FRMPD2: variants seen among roughly 807,000 people sequenced by gnomAD.
FRMPD2 encodes the protein FERM and PDZ domain-containing protein 2.
A neutral mutation model predicts 140.1 loss-of-function variants in FRMPD2; 96 were observed. That is an observed-to-expected ratio of 0.69 (90% CI 0.58 to 0.81). The LOEUF (loss-of-function observed/expected upper bound fraction) is 0.81. Ranked by LOEUF, FRMPD2 falls within the 40% of genes least tolerant of loss-of-function variation. The pLI is 0.00. For missense variants in FRMPD2, 1,240 were observed against 1,447.4 expected, an observed-to-expected ratio of 0.86 and a Z score of 2.32; for synonymous variants, 449 against 547.6, an observed-to-expected ratio of 0.82 and a Z score of 2.52.
chr10:48,257,215 G>A (rs1268141502), intron 1 of FRMPD2, among the ~76,000 whole-genome samples: 5 of 150,668 alleles, frequency 3.3e-5, no homozygotes, highest in African/African-American at 4.9e-5. Flanking sequence ...ACATTCACAG[G>A]TTCCACAAAT....
At chr10:48,210,527 G>A (rs919968964) in intron 13 of FRMPD2, among the ~76,000 whole-genome samples, 4 of 152,164 alleles carry the variant, frequency 2.6e-5, no homozygotes, top group African/African-American at 7.2e-5. Context: ...GACATCTGCC[G>A]CAGGGTTGGG....
chr10:48,178,684 G>T (rs545911578), intron 21 of FRMPD2: 1 of 155,574 alleles, frequency 6.4e-6, no homozygotes, highest in Admixed American at 6.2e-5. Context: ...CCTGCACCAT[G>T]GTCAACGTGG....
At chr10:48,159,040 T>G (rs1837864429) in intron 28 of FRMPD2, 4 of 362,848 alleles carry the variant, frequency 1.1e-5, no homozygotes, top group Non-Finnish European at 2.2e-5. Flanking sequence ...GCTTGAAATA[T>G]GAAGGTATTA....
At chr10:48,225,851 T>C (rs1839709893) in intron 10 of FRMPD2, among the ~76,000 whole-genome samples, 1 of 152,226 alleles carries the variant, frequency 6.6e-6, no homozygotes, top group Non-Finnish European at 1.5e-5. Flanking sequence ...GTCTTGGATT[T>C]GAGCACCCTC....
intron 20 of FRMPD2, among the ~76,000 whole-genome samples, chr10:48,181,291 C>T (rs1554792627): frequency 1.3e-5 from 2 of 152,286 alleles, no homozygotes; most frequent in South Asian, 4.1e-4. Context: ...TAAGCTCTAG[C>T]CATGTGATGG....
At chr10:48,158,993 C>A (rs1472158239) in intron 28 of FRMPD2, 1 of 346,724 alleles carries the variant, frequency 2.9e-6, no homozygotes, top group Admixed American at 3.9e-5. Flanking sequence ...CTCTGCCTTT[C>A]AGGAGGAAAT....
At chr10:48,159,250 A>G (rs1395601821) in intron 28 of FRMPD2, 577 of 455,048 alleles carry the variant, frequency 1.3e-3, no homozygotes, top group Non-Finnish European at 2.3e-3. Flanking sequence ...TAAGACATCA[A>G]AGTAAACAAG....
intron 1 of FRMPD2, among the ~76,000 whole-genome samples, chr10:48,255,989 G>A (rs575509668): frequency 2.6e-5 from 4 of 152,350 alleles, no homozygotes; most frequent in East Asian, 1.9e-4. Context: ...GCATTTTGGC[G>A]TAGGAGCAGT....
At chr10:48,194,110 T>A (rs1838900468) in intron 15 of FRMPD2, among the ~76,000 whole-genome samples, 1 of 152,214 alleles carries the variant, frequency 6.6e-6, no homozygotes, top group South Asian at 2.1e-4. Flanking sequence ...AATGTCAACA[T>A]CAACTACTAA....
intron 15 of FRMPD2, 33 bp from the exon 16 acceptor site, chr10:48,192,927 A>G: frequency 6.7e-7 from 1 of 1,485,884 alleles, no homozygotes; most frequent in South Asian, 1.1e-5. Context: ...AGACATACAC[A>G]CACACAAGAA....
chr10:48,207,607 A>G (rs1198497997), intron 13 of FRMPD2, among the ~76,000 whole-genome samples: 1 of 152,184 alleles, frequency 6.6e-6, no homozygotes, highest in African/African-American at 2.4e-5. Context: ...TAAGAGACCA[A>G]AGTATAAAAT....
At chr10:48,178,447 G>A (rs879984154) in intron 21 of FRMPD2, among the ~76,000 whole-genome samples, 3 of 152,156 alleles carry the variant, frequency 2.0e-5, no homozygotes, top group Non-Finnish European at 4.4e-5. Flanking sequence ...CTTTTGTCCT[G>A]TCTGCCCCCT....
intron 10 of FRMPD2, among the ~76,000 whole-genome samples, chr10:48,226,566 A>T (rs577659191): frequency 6.6e-6 from 1 of 152,260 alleles, no homozygotes; most frequent in East Asian, 1.9e-4. Context: ...GGCCACTTTG[A>T]CCCTTGTGTT....
At chr10:48,188,287 G>T (rs750488640) in intron 16 of FRMPD2, among the ~76,000 whole-genome samples, 1 of 152,188 alleles carries the variant, frequency 6.6e-6, no homozygotes, top group Non-Finnish European at 1.5e-5. Context: ...GGCTCTCTCT[G>T]CAGGGAGCTT....
Position 48,156,650 on chromosome 10 carries a change from G to C in FRMPD2, c.*672C>G, listed in dbSNP as rs1837781881. 1 of 179,466 alleles carries C rather than the reference G, an allele frequency of 5.6e-6. No individual in the cohort carries two copies. Among genetic ancestry groups the C allele is most frequent in the East Asian group, 1.2e-4 (1 of 8,544 alleles). The allele number at this position is 179,466 out of a possible 1,614,324, so 11.1% of individuals were successfully genotyped here. A position where few individuals can be genotyped will look rare whatever the true frequency, so the allele number is the denominator to read the frequency against. On this transcript the variant is annotated 3_prime_UTR_variant, in exon 29 of 29. Coordinates refer to ENST00000374201, the MANE Select transcript of FRMPD2 (RefSeq NM_001018071.4). The stretch of plus-strand genomic sequence containing the variant: ...AAGTGCTATGATAGAAGCAGCTGGA[G>C]CACCTTACCGAGCTCAGGAGACCGG...
At chr10:48,198,670 A>C (rs1001318923) in intron 15 of FRMPD2, among the ~76,000 whole-genome samples, 1 of 152,204 alleles carries the variant, frequency 6.6e-6, no homozygotes, top group African/African-American at 2.4e-5. Context: ...GCTTTGGGCA[A>C]TATGGTTATT....
At chr10:48,192,920 CAT>C in intron 15 of FRMPD2, 26 bp from the exon 16 acceptor site, 2 of 1,516,606 alleles carry the variant, frequency 1.3e-6, no homozygotes, top group African/African-American at 2.7e-5. Flanking sequence ...AAAACATAGA[CAT>C]ACACACACAC....
intron 10 of FRMPD2, among the ~76,000 whole-genome samples, chr10:48,227,873 A>G (rs1839761737): frequency 6.6e-6 from 1 of 152,184 alleles, no homozygotes; most frequent in South Asian, 2.1e-4. Context: ...AGCTAGTTTA[A>G]GTTTTTTGGT....
At chr10:48,195,483 T>G (rs77614636) in intron 15 of FRMPD2, among the ~76,000 whole-genome samples, 56 of 152,230 alleles carry the variant, frequency 3.7e-4, no homozygotes, top group African/African-American at 1.3e-3. Flanking sequence ...TACCTTCAAA[T>G]GAACAAAGAT....
Sources: allele counts gnomAD v4.1 joint callset (sites outside exome capture counted in the v4.1 genomes callset), GRCh38; gene constraint gnomAD v4.1.1; transcripts MANE v1.5; gene names NCBI Gene and HGNC (gene_info 2026-07-23, HGNC 2026-07-21).